ATRNL1: variants seen among roughly 807,000 people sequenced by gnomAD.
ATRNL1 encodes the protein attractin-like protein 1.
ATRNL1 carries 95 observed loss-of-function variants against 182.7 expected under a neutral mutation model. The ratio of observed to expected loss-of-function variants is 0.52; its 90% CI spans 0.44 to 0.62. The LOEUF is 0.62. Among genes scored for constraint, ATRNL1 ranks in the 20% least tolerant of loss-of-function variants. The pLI, the probability that ATRNL1 is intolerant of heterozygous loss-of-function variation, is 0.00. For missense variants in ATRNL1, 1,471 were observed against 1,679.5 expected (o/e 0.88, Z 2.17); for synonymous variants, 576 against 568.3 (o/e 1.01, Z -0.19).
At chr10:115,277,232 G>A (rs1852145533) in intron 13 of ATRNL1, among the ~76,000 whole-genome samples, 1 of 151,930 alleles carries the variant, frequency 6.6e-6, no homozygotes, top group African/African-American at 2.4e-5. Context: ...GTCATAAAAT[G>A]ATTTCAAATT....
In ATRNL1 at chr10:115,826,042, A is replaced by G. The variant is rs535227754; in HGVS notation, c.3904-21835A>G. On this transcript the variant is annotated intron_variant, in intron 27 of 28. Coordinates refer to ENST00000355044, the MANE Select transcript of ATRNL1 (RefSeq NM_207303.4). ...AGCTTTTGGTCATTTAGTGTCATACATCTTGAAGTTTTTGCAAGGGTGAAC... is the reference window on the plus strand; with the variant it reads ...AGCTTTTGGTCATTTAGTGTCATACGTCTTGAAGTTTTTGCAAGGGTGAAC... 1.6e-3 allele frequency among the ~76,000 whole-genome samples: 249 copies of G among 152,324 alleles called. 11 individuals carry two copies. The South Asian group carries it at 0.05, about 30-fold the overall frequency.
intron 26 of ATRNL1, among the ~76,000 whole-genome samples, chr10:115,683,979 C>A (rs1946137134): frequency 6.6e-6 from 1 of 151,630 alleles, no homozygotes; most frequent in South Asian, 2.1e-4. Context: ...AGATAATAAT[C>A]TAGATATCTG....
chr10:115,819,225 C>T (rs1361930263), intron 27 of ATRNL1, among the ~76,000 whole-genome samples: 1 of 116,958 alleles, frequency 8.6e-6, no homozygotes, highest in East Asian at 4.2e-4. Context: ...TAGACATCTC[C>T]CCTTTAGTGT....
intron 26 of ATRNL1, among the ~76,000 whole-genome samples, chr10:115,655,912 A>T (rs1469623289): frequency 2.0e-5 from 3 of 152,048 alleles, no homozygotes; most frequent in Admixed American, 2.0e-4. Context: ...CCAAACTCCT[A>T]CTTGCACCGT....
chr10:115,146,114 G>T (rs1845960198), intron 5 of ATRNL1, among the ~76,000 whole-genome samples: 1 of 151,702 alleles, frequency 6.6e-6, no homozygotes, highest in African/African-American at 2.4e-5. Context: ...GCATTTGATA[G>T]AATTCAGAGT....
chr10:115,421,201 C>T (rs550640242), intron 20 of ATRNL1, among the ~76,000 whole-genome samples: 2 of 152,052 alleles, frequency 1.3e-5, no homozygotes, highest in Non-Finnish European at 2.9e-5. Context: ...TCTATGAGGC[C>T]AGCATTACCC....
intron 26 of ATRNL1, among the ~76,000 whole-genome samples, chr10:115,603,427 G>T (rs1856716170): frequency 6.6e-6 from 1 of 152,146 alleles, no homozygotes; most frequent in South Asian, 2.1e-4. Context: ...TTAGGAGCTA[G>T]AGCCAGAGAC....
At chr10:115,202,044 G>T (rs1848602815) in intron 8 of ATRNL1, among the ~76,000 whole-genome samples, 1 of 151,334 alleles carries the variant, frequency 6.6e-6, no homozygotes, top group Non-Finnish European at 1.5e-5. Flanking sequence ...TCTGTTATTG[G>T]TGTATAAGAA....
intron 10 of ATRNL1, among the ~76,000 whole-genome samples, chr10:115,251,846 T>G (rs1554905445): frequency 2.6e-5 from 4 of 152,192 alleles, no homozygotes; most frequent in Non-Finnish European, 5.9e-5. Flanking sequence ...TCACCTCTTG[T>G]GGCATCCTTG....
At chr10:115,717,209 T>TTAAA (rs1291174757) in intron 26 of ATRNL1, among the ~76,000 whole-genome samples, 1 of 152,188 alleles carries the variant, frequency 6.6e-6, no homozygotes, top group African/African-American at 2.4e-5. Context: ...GAATGATGTC[T>TTAAA]TAAATAACTT....
intron 18 of ATRNL1, among the ~76,000 whole-genome samples, chr10:115,331,961 A>T (rs782791895): frequency 6.6e-5 from 10 of 152,156 alleles, no homozygotes; most frequent in Non-Finnish European, 1.5e-5. Context: ...GTGGTGGGGC[A>T]TCCTCTCTGC....
intron 26 of ATRNL1, among the ~76,000 whole-genome samples, chr10:115,615,762 T>C (rs1857394610): frequency 6.6e-6 from 1 of 152,178 alleles, no homozygotes; most frequent in Non-Finnish European, 1.5e-5. Flanking sequence ...CCCCTTCAGC[T>C]TTTGCCATGA....
chr10:115,428,724 C>T (rs1846016194), intron 21 of ATRNL1, among the ~76,000 whole-genome samples: 1 of 151,732 alleles, frequency 6.6e-6, no homozygotes, highest in Non-Finnish European at 1.5e-5. Context: ...AATATACTAC[C>T]ATTTTTGTCC....
Position 115,461,819 on chromosome 10 carries a change from A to T in ATRNL1, c.3323-122A>T, listed in dbSNP as rs187996745. Reference sequence around the variant, plus strand: ...TTTGTATTTTGTTATACTTAAATATACCACTAGTATTTAACAATAATCATT... The same window carrying T: ...TTTGTATTTTGTTATACTTAAATATTCCACTAGTATTTAACAATAATCATT... On this transcript the variant is annotated intron_variant, in intron 21 of 28. Coordinates refer to ENST00000355044, the MANE Select transcript of ATRNL1 (RefSeq NM_207303.4). The T allele has an allele frequency of 1.2e-3, 535 of 457,942 alleles. 3 individuals carry two copies. The highest frequency in any genetic ancestry group is 8.8e-3 in the East Asian group (253 of 28,748). 28.4% of individuals were successfully genotyped at this position (457,942 alleles called of 1,614,324 possible). A position where few individuals can be genotyped will look rare whatever the true frequency, so the allele number is the denominator to read the frequency against.
intron 27 of ATRNL1, among the ~76,000 whole-genome samples, chr10:115,727,702 T>G (rs1947643579): frequency 6.6e-6 from 1 of 152,176 alleles, no homozygotes; most frequent in African/African-American, 2.4e-5. Context: ...AGTTAACAAT[T>G]CACATCTATC....
At chr10:115,549,361 C>T in intron 25 of ATRNL1, 97 bp from the exon 26 acceptor site, 1 of 659,636 alleles carries the variant, frequency 1.5e-6, no homozygotes, top group Non-Finnish European at 2.3e-6. Context: ...AAAGTTATTA[C>T]TTATATATAT....
chr10:115,594,679 G>A (rs2769400), intron 26 of ATRNL1, among the ~76,000 whole-genome samples: 72,396 of 151,942 alleles, frequency 0.48, 18,718 homozygotes, highest in East Asian at 0.84. Flanking sequence ...TAATTTTTGT[G>A]TTTTTAATGG....
intron 10 of ATRNL1, among the ~76,000 whole-genome samples, chr10:115,264,228 TAATAA>T (rs1371602815): frequency 2.6e-5 from 4 of 151,724 alleles, no homozygotes; most frequent in Admixed American, 2.0e-4. Flanking sequence ...TGATGTTCAT[TAATAA>T]AATATTGAGT....
chr10:115,474,042 A>C (rs1263963115), intron 24 of ATRNL1, among the ~76,000 whole-genome samples: 2 of 151,084 alleles, frequency 1.3e-5, no homozygotes, highest in Non-Finnish European at 3.0e-5. Context: ...TTGTTTTTCT[A>C]TTCTGTATTT....
Sources: allele counts gnomAD v4.1 joint callset (sites outside exome capture counted in the v4.1 genomes callset), GRCh38; gene constraint gnomAD v4.1.1; transcripts MANE v1.5; gene names NCBI Gene and HGNC (gene_info 2026-07-23, HGNC 2026-07-21).